SGCZ: variants seen among roughly 807,000 people sequenced by gnomAD.
SGCZ encodes the protein zeta-sarcoglycan.
SGCZ carries 40 observed loss-of-function variants against 41.3 expected under a neutral mutation model. That is an observed-to-expected ratio of 0.97 (90% CI 0.75 to 1.26). The LOEUF is 1.26. SGCZ is among the 50% of genes most tolerant of loss of function. The pLI, the probability that SGCZ is intolerant of heterozygous loss-of-function variation, is 0.00. For synonymous variants in SGCZ, 206 were observed against 137.5 expected (o/e 1.50, Z -3.49); for missense variants, 552 against 369.8 (o/e 1.49, Z -4.04).
chr8:15,222,009 T>C (rs192387920), intron 1 of SGCZ, among the ~76,000 whole-genome samples: 52 of 152,334 alleles, frequency 3.4e-4, no homozygotes, highest in Admixed American at 5.9e-4. Context: ...TAGAATTACA[T>C]CATAAAATTA....
At chr8:14,263,839 C>G (rs1307174918) in intron 3 of SGCZ, among the ~76,000 whole-genome samples, 1 of 152,154 alleles carries the variant, frequency 6.6e-6, no homozygotes, top group Non-Finnish European at 1.5e-5. Context: ...CTCCAAGAAG[C>G]ACAACTCAGA....
chr8:14,677,493 C>T (rs867560335), intron 1 of SGCZ, among the ~76,000 whole-genome samples: 2 of 151,998 alleles, frequency 1.3e-5, no homozygotes, highest in African/African-American at 4.8e-5. Context: ...CTATATGGGC[C>T]GGGCGGGGTG....
chr8:14,126,789 G>T (rs1585158644), intron 5 of SGCZ, among the ~76,000 whole-genome samples: 1 of 152,198 alleles, frequency 6.6e-6, no homozygotes, highest in Admixed American at 6.5e-5. Flanking sequence ...ATACACCACG[G>T]AATACTATGC....
In SGCZ at chr8:14,309,045, C is replaced by G. The variant is rs148651589; in HGVS notation, c.336+15058G>C. On this transcript the variant is annotated intron_variant, in intron 3 of 7. Transcript: ENST00000382080. ...CAGAAAATGAAACCGGAAGCCTCCCCTACTCTTAATTCCCCAACTACAGAA... is the reference window on the plus strand; with the variant it reads ...CAGAAAATGAAACCGGAAGCCTCCCGTACTCTTAATTCCCCAACTACAGAA... 1,351 of 1,330,296 alleles carry G rather than the reference C, an allele frequency of 1.0e-3. 1 individual carries two copies. Among genetic ancestry groups the G allele is most frequent in the Non-Finnish European group, 1.4e-3 (1,291 of 949,954 alleles). The allele number at this position is 1,330,296 out of a possible 1,614,324, so 82.4% of individuals were successfully genotyped here. A position where few individuals can be genotyped will look rare whatever the true frequency, so the allele number is the denominator to read the frequency against.
intron 1 of SGCZ, among the ~76,000 whole-genome samples, chr8:15,221,216 T>C (rs1801589824): frequency 6.6e-6 from 1 of 152,092 alleles, no homozygotes; most frequent in Non-Finnish European, 1.5e-5. Flanking sequence ...AAAATCAACA[T>C]GAAAAGCCCA....
intron 2 of SGCZ, among the ~76,000 whole-genome samples, chr8:14,459,583 T>G (rs1462867543): frequency 6.6e-6 from 1 of 152,150 alleles, no homozygotes; most frequent in Admixed American, 6.5e-5. Flanking sequence ...TTGAGTAGTC[T>G]GAAAGTATCT....
intron 1 of SGCZ, among the ~76,000 whole-genome samples, chr8:14,751,909 G>C (rs1485290543): frequency 6.7e-6 from 1 of 150,148 alleles, no homozygotes; most frequent in African/African-American, 2.5e-5. Flanking sequence ...TCCAGCTTGG[G>C]CTACAGAGTG....
At chr8:14,104,862 T>G (rs1386951895) in intron 6 of SGCZ, among the ~76,000 whole-genome samples, 1 of 152,128 alleles carries the variant, frequency 6.6e-6, no homozygotes, top group African/African-American at 2.4e-5. Flanking sequence ...AAGATGCCAA[T>G]TATATGATTA....
intron 1 of SGCZ, among the ~76,000 whole-genome samples, chr8:14,913,952 G>T (rs951028045): frequency 6.6e-6 from 1 of 151,788 alleles, no homozygotes; most frequent in Non-Finnish European, 1.5e-5. Flanking sequence ...AATGTTAGAA[G>T]AGAAAAAGAA....
At chr8:14,424,217 G>A (rs1300605711) in intron 2 of SGCZ, among the ~76,000 whole-genome samples, 2 of 152,090 alleles carry the variant, frequency 1.3e-5, no homozygotes, top group South Asian at 2.1e-4. Flanking sequence ...AACCATAGTA[G>A]TAGAAGACAC....
intron 1 of SGCZ, among the ~76,000 whole-genome samples, chr8:15,089,115 G>A (rs1158591751): frequency 1.3e-5 from 2 of 152,006 alleles, no homozygotes; most frequent in Non-Finnish European, 2.9e-5. Context: ...TTGGTTTATG[G>A]CCATAGTTAT....
rs139910701 is a variant in SGCZ, at chr8:14,733,860, C to T, written c.40-178934G>A. Among the ~76,000 whole-genome samples the T allele has an allele frequency of 3.6e-3, 547 of 152,304 alleles. 10 individuals are homozygous for T. Among genetic ancestry groups the T allele is most frequent in the African/African-American group, 0.013 (524 of 41,582 alleles). On this transcript the variant is annotated intron_variant, in intron 1 of 7. Transcript: ENST00000382080. The stretch of plus-strand genomic sequence containing the variant: ...AAGCAATTTTAAGGCTTTGAAACCA[C>T]ATTTGTTAATCGTATACCCATGAAT...
chr8:14,757,196 C>T (rs955140704), intron 1 of SGCZ, among the ~76,000 whole-genome samples: 2 of 152,048 alleles, frequency 1.3e-5, no homozygotes, highest in African/African-American at 4.8e-5. Flanking sequence ...TTACAGGTGC[C>T]TGCCACCACA....
chr8:15,119,474 A>G (rs990734352), intron 1 of SGCZ, among the ~76,000 whole-genome samples: 1 of 151,880 alleles, frequency 6.6e-6, no homozygotes, highest in Middle Eastern at 3.2e-3. Context: ...ACAAGTTGCA[A>G]TGAGCCATGG....
chr8:15,034,737 G>C (rs1238362722), intron 1 of SGCZ, among the ~76,000 whole-genome samples: 1 of 152,094 alleles, frequency 6.6e-6, no homozygotes, highest in East Asian at 1.9e-4. Context: ...TCACACATAA[G>C]GGAGTTTCAA....
chr8:14,702,852 GATA>G (rs1809200656), intron 1 of SGCZ, among the ~76,000 whole-genome samples: 1 of 139,484 alleles, frequency 7.2e-6, no homozygotes, highest in African/African-American at 2.6e-5. Flanking sequence ...TAGATAGATA[GATA>G]GATAGATAGA....
intron 2 of SGCZ, among the ~76,000 whole-genome samples, chr8:14,497,221 A>G (rs1802014642): frequency 6.6e-6 from 1 of 152,164 alleles, no homozygotes; most frequent in Non-Finnish European, 1.5e-5. Flanking sequence ...CGGTTCTGCA[A>G]GCTGTACAGG....
intron 1 of SGCZ, among the ~76,000 whole-genome samples, chr8:15,137,519 C>CCTGGG (rs543678028): frequency 8.3e-4 from 127 of 152,282 alleles, no homozygotes; most frequent in African/African-American, 2.3e-3. Flanking sequence ...AAAATGGTTT[C>CCTGGG]CTGGGCTGGG....
intron 1 of SGCZ, among the ~76,000 whole-genome samples, chr8:14,889,888 T>G (rs981391236): frequency 6.6e-6 from 1 of 152,042 alleles, no homozygotes; most frequent in Non-Finnish European, 1.5e-5. Flanking sequence ...GTGTCACACA[T>G]CTCTCACTTT....
Sources: gnomAD v4.1 joint callset for allele counts (sites outside exome capture counted in the v4.1 genomes callset) on GRCh38, gnomAD v4.1.1 for gene constraint, MANE v1.5 for transcripts, NCBI Gene and HGNC (gene_info 2026-07-23, HGNC 2026-07-21) for gene names.